MYBL2: variants seen among roughly 807,000 people sequenced by gnomAD.
The protein encoded by MYBL2 is MYB proto-oncogene like 2.
MYBL2 carries 28 observed loss-of-function variants against 79.9 expected under a neutral mutation model. The observed-to-expected ratio is 0.35, with a 90% confidence interval of 0.26 to 0.48. MYBL2 has a LOEUF of 0.48. Ranked by LOEUF, MYBL2 falls within the 20% of genes least tolerant of loss-of-function variation. The pLI is 0.99. For missense variants in MYBL2, 735 were observed against 893.9 expected, an observed-to-expected ratio of 0.82 and a Z score of 2.27; for synonymous variants, 378 against 361.2, an observed-to-expected ratio of 1.05 and a Z score of -0.53.
intron 5 of MYBL2, among the ~76,000 whole-genome samples, chr20:43,688,028 T>A (rs117031142): frequency 4.3e-4 from 34 of 79,372 alleles, no homozygotes; most frequent in Middle Eastern, 6.8e-3. Flanking sequence ...AAAAAAAAAA[T>A]TTTTTTTTCC....
chr20:43,677,102 G>C (rs1294143521), intron 2 of MYBL2, among the ~76,000 whole-genome samples: 1 of 152,150 alleles, frequency 6.6e-6, no homozygotes, highest in Non-Finnish European at 1.5e-5. Flanking sequence ...AATCATGAAA[G>C]ATGTTTTTCC....
chr20:43,670,613 T>C (rs770453405), intron 1 of MYBL2, among the ~76,000 whole-genome samples: 7 of 152,204 alleles, frequency 4.6e-5, no homozygotes, highest in South Asian at 2.1e-4. Context: ...GAGCTGACCT[T>C]TGTAGATGAT....
At position 43,710,055 on chromosome 20, in the gene MYBL2, A is replaced by T. The variant is rs1219759297; in HGVS notation, c.1598A>T (p.Lys533Met). The T allele has an allele frequency of 6.2e-7, 1 of 1,602,928 alleles. No individual in the cohort carries two copies. The highest frequency in any genetic ancestry group is 1.1e-5 in the South Asian group (1 of 87,910). The change falls in exon 10 of 14, where the codon AAG becomes ATG. Residue 533 changes from lysine (K) to methionine (M), a missense_variant. By Grantham distance (95) the Lys-to-Met change is moderately conservative. Around this residue, in one of 5 missense-constraint regions of MYBL2, gnomAD observed 243 missense variants for 327.2 expected, o/e 0.74. Transcript: ENST00000217026. ...GCCCTGGAGAAGTACGGACCCCTGA[A>T]GCCCCTGGTACGTGGTGTGGTCGCT... ...KNALEKYGPL[K>M]PLPQTPHLEE...
rs528724523 is a variant in MYBL2, at chr20:43,674,928, T to C, written c.114+1029T>C. On this transcript the variant is annotated intron_variant, in intron 2 of 13. Transcript: ENST00000217026. Reference sequence around the variant, plus strand: ...CTTCTAGCTCCATCTTTTTATTTTATAATAAATGTGATTGAAATATAATTT... The same window carrying C: ...CTTCTAGCTCCATCTTTTTATTTTACAATAAATGTGATTGAAATATAATTT... Among the ~76,000 whole-genome samples the C allele has an allele frequency of 4.8e-4, 73 of 152,340 alleles. No individual in the cohort carries two copies. In the Middle Eastern group the frequency reaches 0.017, roughly 35 times the overall value.
chr20:43,690,094 A>G (rs1171394136), intron 5 of MYBL2, among the ~76,000 whole-genome samples: 3 of 151,958 alleles, frequency 2.0e-5, no homozygotes, highest in Non-Finnish European at 2.9e-5. Flanking sequence ...GTTCACATGT[A>G]TGCATGCGAG....
chr20:43,669,131 G>A (rs1019657481), intron 1 of MYBL2, among the ~76,000 whole-genome samples: 1 of 152,212 alleles, frequency 6.6e-6, no homozygotes, highest in African/African-American at 2.4e-5. Context: ...GAGCCACCGC[G>A]TCTGGCGTGT....
At chr20:43,700,187 G>T in intron 7 of MYBL2, 143 bp downstream of exon 7, 1 of 1,139,304 alleles carries the variant, frequency 8.8e-7, no homozygotes, top group South Asian at 1.5e-5. Flanking sequence ...CCTGACCCAA[G>T]GGCTGGGGAC....
chr20:43,690,183 CTGTTTTT>C (rs558224367), intron 5 of MYBL2, among the ~76,000 whole-genome samples: 205 of 148,894 alleles, frequency 1.4e-3, no homozygotes, highest in South Asian at 8.0e-3. Context: ...CTTCCAAGAG[CTGTTTTT>C]TGTTTTTTTT....
chr20:43,716,408 G>T lies in MYBL2; in HGVS notation c.*321G>T. The T allele has an allele frequency of 1.3e-5, 5 of 383,324 alleles. No homozygotes were observed. Among genetic ancestry groups the T allele is most frequent in the Non-Finnish European group, 2.3e-5 (5 of 213,250 alleles). The allele number at this position is 383,324 out of a possible 1,614,324, so 23.7% of individuals were successfully genotyped here. On this transcript the variant is annotated 3_prime_UTR_variant, in exon 14 of 14. Transcript: ENST00000217026. ...ATCTCAGACCCTGCTTAGGATGGGGGATGTGGCCAGGGGTGCTCCTGTGCT... is the reference window on the plus strand; with the variant it reads ...ATCTCAGACCCTGCTTAGGATGGGGTATGTGGCCAGGGGTGCTCCTGTGCT...
chr20:43,669,526 G>GAGCAGAGCCC (rs999076454), intron 1 of MYBL2, among the ~76,000 whole-genome samples: 1 of 152,160 alleles, frequency 6.6e-6, no homozygotes, highest in Non-Finnish European at 1.5e-5. Context: ...CCCTGTCCTG[G>GAGCAGAGCCC]AGCAGAGCCC....
At chr20:43,712,972 C>A (rs1375696617) in intron 11 of MYBL2, 30 bp from the exon 12 acceptor site, 30 of 1,555,038 alleles carry the variant, frequency 1.9e-5, no homozygotes, top group Non-Finnish European at 2.6e-5. Context: ...AGACACTCAC[C>A]CTAACCCCCT....
chr20:43,688,691 C>T (rs1045092448), intron 5 of MYBL2, among the ~76,000 whole-genome samples: 14 of 152,186 alleles, frequency 9.2e-5, no homozygotes, highest in African/African-American at 2.4e-4. Context: ...CTATGTTGCC[C>T]AGGCTGGTCC....
intron 5 of MYBL2, among the ~76,000 whole-genome samples, chr20:43,691,913 T>C (rs1987420406): frequency 6.6e-6 from 1 of 152,082 alleles, no homozygotes; most frequent in Non-Finnish European, 1.5e-5. Context: ...TGCCATTTTA[T>C]AATTTTTGCC....
chr20:43,676,305 G>T (rs1987008604), intron 2 of MYBL2, among the ~76,000 whole-genome samples: 1 of 132,724 alleles, frequency 7.5e-6, no homozygotes, highest in African/African-American at 2.9e-5. Flanking sequence ...TGGTCTCCTT[G>T]TTCCCTTCTT....
intron 4 of MYBL2, among the ~76,000 whole-genome samples, chr20:43,683,549 G>GC (rs201276286): frequency 0.019 from 2,640 of 139,924 alleles, 166 homozygotes; most frequent in Admixed American, 0.037. Flanking sequence ...AGGGAACTAG[G>GC]CATTTTTTTT....
intron 6 of MYBL2, among the ~76,000 whole-genome samples, chr20:43,694,625 C>T (rs747846876): frequency 2.4e-4 from 36 of 152,254 alleles, no homozygotes; most frequent in Non-Finnish European, 3.8e-4. Context: ...GAATATCTCT[C>T]GATTGCCCAA....
At chr20:43,668,713 G>A (rs1300209813) in intron 1 of MYBL2, among the ~76,000 whole-genome samples, 1 of 147,686 alleles carries the variant, frequency 6.8e-6, no homozygotes, top group Non-Finnish European at 1.5e-5. Context: ...TTTGAGGCAG[G>A]GTCTCCGTCT....
Position 43,702,553 on chromosome 20 carries a change from A to C in MYBL2, c.1015A>C (p.Ser339Arg). The change falls in exon 8 of 14, where the codon AGT becomes CGT. Residue 339 changes from serine (S) to arginine (R), a missense_variant. By Grantham distance (110) the Ser-to-Arg change is moderately radical (BLOSUM62 -1). Around this residue, in one of 5 missense-constraint regions of MYBL2, gnomAD observed 243 missense variants for 327.2 expected, o/e 0.74. Transcript: ENST00000217026. The stretch of plus-strand genomic sequence containing the variant: ...CCCTGAGGAACCATCTGCAGAGGAC[A>C]GTATCAACAACAGCCTAGTGCAGCT... Reference protein sequence around the residue: ...DLPEEPSAEDSINNSLVQLQA... With the variant: ...DLPEEPSAEDRINNSLVQLQA... The C allele has an allele frequency of 6.2e-7, 1 of 1,614,210 alleles. No individual in the cohort carries two copies. Among genetic ancestry groups the C allele is most frequent in the Non-Finnish European group, 8.5e-7 (1 of 1,180,018 alleles).
intron 7 of MYBL2, among the ~76,000 whole-genome samples, chr20:43,700,817 G>A (rs1039050215): frequency 1.3e-5 from 2 of 152,072 alleles, no homozygotes; most frequent in African/African-American, 2.4e-5. Flanking sequence ...GTCAAGTAGT[G>A]TACCCAAGGT....
Sources: allele counts gnomAD v4.1 joint callset (sites outside exome capture counted in the v4.1 genomes callset), GRCh38; gene constraint gnomAD v4.1.1; regional missense constraint gnomAD v4.1.1; transcripts MANE v1.5; gene names NCBI Gene and HGNC (gene_info 2026-07-23, HGNC 2026-07-21).